The following PHACTR1 variants were observed in gnomAD, a reference collection of about 807,000 sequenced individuals.
The protein encoded by PHACTR1 is RPEL repeat containing 1.
PHACTR1 carries 16 observed loss-of-function variants against 69.2 expected under a neutral mutation model. That is an observed-to-expected ratio of 0.23 (90% CI 0.16 to 0.35). PHACTR1 has a LOEUF of 0.35. Among genes scored for constraint, PHACTR1 ranks in the 10% least tolerant of loss-of-function variants. The pLI is 1.00. For missense variants in PHACTR1, 510 were observed against 734.7 expected (o/e 0.69, Z 3.54); for synonymous variants, 312 against 284.5 (o/e 1.10, Z -0.97).
At chr6:13,220,619 T>C (rs1053762242) in intron 8 of PHACTR1, among the ~76,000 whole-genome samples, 7 of 152,210 alleles carry the variant, frequency 4.6e-5, no homozygotes, top group Non-Finnish European at 8.8e-5. Context: ...ACCAATGTGC[T>C]CTTGCTTGCA....
At chr6:12,895,675 AC>A (rs1237948576) in intron 4 of PHACTR1, among the ~76,000 whole-genome samples, 2 of 152,208 alleles carry the variant, frequency 1.3e-5, no homozygotes, top group Non-Finnish European at 2.9e-5. Flanking sequence ...CATACTCCAC[AC>A]CTTTTATCCA....
At chr6:12,833,434 T>C (rs1777805482) in intron 4 of PHACTR1, among the ~76,000 whole-genome samples, 1 of 151,948 alleles carries the variant, frequency 6.6e-6, no homozygotes, top group Non-Finnish European at 1.5e-5. Context: ...AATTTTTGTA[T>C]TTTTAGTTGA....
At chr6:12,932,504 TAA>T (rs1459257185) in intron 4 of PHACTR1, among the ~76,000 whole-genome samples, 4 of 152,240 alleles carry the variant, frequency 2.6e-5, no homozygotes, top group Admixed American at 2.6e-4. Flanking sequence ...ATTTATAATA[TAA>T]GTCTACTTAT....
chr6:13,208,438 A>G (rs548678910), intron 8 of PHACTR1, among the ~76,000 whole-genome samples: 1 of 152,346 alleles, frequency 6.6e-6, no homozygotes, highest in South Asian at 2.1e-4. Context: ...TCAGTTTGTG[A>G]TGGATCGAAA....
At chr6:13,104,000 C>T (rs1815633622) in intron 5 of PHACTR1, among the ~76,000 whole-genome samples, 1 of 152,150 alleles carries the variant, frequency 6.6e-6, no homozygotes, top group Non-Finnish European at 1.5e-5. Context: ...AGGAAAATCG[C>T]CTGAACCCGG....
intron 4 of PHACTR1, among the ~76,000 whole-genome samples, chr6:12,993,866 AAGG>A (rs1178817078): frequency 1.3e-5 from 2 of 152,204 alleles, no homozygotes; most frequent in African/African-American, 4.8e-5. Context: ...ATCACTCTGT[AAGG>A]AGTGGAAAAG....
intron 4 of PHACTR1, among the ~76,000 whole-genome samples, chr6:12,810,324 T>C (rs1032880746): frequency 3.9e-5 from 5 of 128,880 alleles, no homozygotes; most frequent in African/African-American, 1.9e-4. Flanking sequence ...GGTTGGTTTG[T>C]TGTTTGTTTG....
At chr6:12,907,680 A>G (rs537361954) in intron 4 of PHACTR1, among the ~76,000 whole-genome samples, 42 of 152,364 alleles carry the variant, frequency 2.8e-4, no homozygotes, top group African/African-American at 9.6e-4. Context: ...AATTCAGGAT[A>G]TTAGAAGAGT....
At chr6:13,002,744 T>C (rs958552237) in intron 4 of PHACTR1, among the ~76,000 whole-genome samples, 1 of 152,202 alleles carries the variant, frequency 6.6e-6, no homozygotes, top group Non-Finnish European at 1.5e-5. Flanking sequence ...ATATGCACCA[T>C]TTAAGAAAAA....
chr6:13,086,083 TAAAA>T (rs776154642), intron 5 of PHACTR1, among the ~76,000 whole-genome samples: 1,022 of 60,278 alleles, frequency 0.017, 20 homozygotes, highest in African/African-American at 0.081. Flanking sequence ...TACACATTTC[TAAAA>T]AAAAAAAAAA....
At chr6:13,193,363 A>G (rs757197097) in intron 7 of PHACTR1, among the ~76,000 whole-genome samples, 2,721 of 98,816 alleles carry the variant, frequency 0.028, 200 homozygotes, top group African/African-American at 0.091. Context: ...CTGTGTATAT[A>G]TATATATATA....
intron 10 of PHACTR1, among the ~76,000 whole-genome samples, chr6:13,237,638 G>A (rs1186291015): frequency 6.6e-6 from 1 of 152,190 alleles, no homozygotes; most frequent in Admixed American, 6.5e-5. Context: ...AGCATCTGTA[G>A]AATCCAAATT....
chr6:13,157,551 A>C (rs1461268694), intron 5 of PHACTR1, among the ~76,000 whole-genome samples: 1 of 152,216 alleles, frequency 6.6e-6, no homozygotes, highest in African/African-American at 2.4e-5. Flanking sequence ...TAGCCTGAGA[A>C]CATCCACATT....
intron 4 of PHACTR1, among the ~76,000 whole-genome samples, chr6:12,811,163 G>A (rs1482463652): frequency 6.6e-6 from 1 of 152,212 alleles, no homozygotes; most frequent in East Asian, 1.9e-4. Flanking sequence ...TTTATTATCA[G>A]TCGTAGATTA....
chr6:13,038,032 G>A (rs1803576230), intron 4 of PHACTR1, among the ~76,000 whole-genome samples: 1 of 152,182 alleles, frequency 6.6e-6, no homozygotes, highest in Non-Finnish European at 1.5e-5. Context: ...ACTCACTTTA[G>A]ATAAAGTGAA....
At chr6:13,228,824 AGGGGCAACGCT>A (rs774495081) in intron 9 of PHACTR1, among the ~76,000 whole-genome samples, 2 of 152,244 alleles carry the variant, frequency 1.3e-5, no homozygotes, top group Admixed American at 6.5e-5. Flanking sequence ...ACGTCTGCTA[AGGGGCAACGCT>A]GGGGTTTGAT....
At chr6:13,046,432 G>C (rs1805059541) in intron 4 of PHACTR1, among the ~76,000 whole-genome samples, 1 of 152,140 alleles carries the variant, frequency 6.6e-6, no homozygotes, top group Admixed American at 6.5e-5. Context: ...TCTTTGACTG[G>C]ATGCTAAGGG....
chr6:13,164,952 C>CTT lies in PHACTR1; in HGVS notation c.496+4677_496+4678dup, dbSNP rs11413166. Among the ~76,000 whole-genome samples, 216 of 148,972 alleles carry CTT rather than the reference C, an allele frequency of 1.4e-3. 1 individual carries two copies. Among genetic ancestry groups the CTT allele is most frequent in the African/African-American group, 4.0e-3 (162 of 40,884 alleles). The stretch of plus-strand genomic sequence containing the variant: ...CAAGAAGAGCATAGTTATTCAACAG[C>CTT]TTTTTTTTTTATTATTGGCTTCCAT... On this transcript the variant is annotated intron_variant, in intron 6 of 14. Transcript: ENST00000332995.
intron 5 of PHACTR1, among the ~76,000 whole-genome samples, chr6:13,077,100 A>AT (rs1163609195): frequency 2.6e-5 from 4 of 151,806 alleles, no homozygotes; most frequent in African/African-American, 9.7e-5. Flanking sequence ...ATAAAAAAAA[A>AT]AATAAAGTAC....
Sources: gnomAD v4.1 joint callset for allele counts (sites outside exome capture counted in the v4.1 genomes callset) on GRCh38, gnomAD v4.1.1 for gene constraint, MANE v1.5 for transcripts, NCBI Gene and HGNC (gene_info 2026-07-23, HGNC 2026-07-21) for gene names.